The following SH3BP4 variants were observed in gnomAD, a reference collection of about 807,000 sequenced individuals.
SH3BP4 encodes the protein SH3 domain-binding protein 4.
SH3BP4 carries 33 observed loss-of-function variants against 65.5 expected under a neutral mutation model. The ratio of observed to expected loss-of-function variants is 0.50; its 90% confidence interval spans 0.38 to 0.67. SH3BP4 has a LOEUF of 0.67. Among genes scored for constraint, SH3BP4 ranks in the 30% least tolerant of loss-of-function variants. SH3BP4 has a pLI of 0.00. For synonymous variants in SH3BP4, 552 were observed against 545.5 expected (o/e 1.01, Z -0.17); for missense variants, 1,134 against 1,261.4 (o/e 0.90, Z 1.53).
intron 3 of SH3BP4, among the ~76,000 whole-genome samples, chr2:235,038,342 TATATATTTTATATATATATATATA>T: frequency 1.4e-3 from 3 of 2,148 alleles, no homozygotes; most frequent in African/African-American, 4.7e-3. Context: ...ATATATAGTA[TATATATTTTATATATATATATATA>T]ATATATATAC....
At chr2:235,036,740 A>AAATAATAACAATAATAAT (rs1553567056) in intron 3 of SH3BP4, among the ~76,000 whole-genome samples, 24 of 141,740 alleles carry the variant, frequency 1.7e-4, no homozygotes, top group Non-Finnish European at 3.2e-4. Context: ...TCTATATAAA[A>AAATAATAACAATAATAAT]AATAATAATA....
intron 2 of SH3BP4, among the ~76,000 whole-genome samples, chr2:235,021,133 T>C (rs1694835918): frequency 6.6e-6 from 1 of 152,104 alleles, no homozygotes; most frequent in Admixed American, 6.5e-5. Flanking sequence ...AGTTTGGCCG[T>C]CTCTGCCCTA....
Position 235,034,291 on chromosome 2 carries a change from C to T in SH3BP4, c.-132-580C>T, listed in dbSNP as rs1256193154. 6.6e-6 allele frequency among the ~76,000 whole-genome samples: 1 copy of T among 152,118 alleles called. No individual in the cohort carries two copies. The highest frequency in any genetic ancestry group is 2.4e-5 in the African/African-American group (1 of 41,418). ...TCTGCATACGTTGCATTGAGAATAC[C>T]TTATGGCCGCTCTGTGTTGTGTTTA... On this transcript the variant is annotated intron_variant, in intron 2 of 5. Transcript: ENST00000392011. The surrounding 1 kb of genome is among the most constrained non-coding windows in gnomAD (Gnocchi z 6.2).
intron 4 of SH3BP4, among the ~76,000 whole-genome samples, chr2:235,050,178 C>T (rs1180014854): frequency 1.3e-5 from 2 of 151,816 alleles, no homozygotes; most frequent in Non-Finnish European, 2.9e-5. Flanking sequence ...TGCAGTGGCG[C>T]GATCTCAGCT....
At position 235,035,493 on chromosome 2, in the gene SH3BP4, A is replaced by T. The variant is rs1367498256; in HGVS notation, c.118+373A>T. 1.3e-5 allele frequency among the ~76,000 whole-genome samples: 2 copies of T among 152,170 alleles called. No individual in the cohort carries two copies. The highest frequency in any genetic ancestry group is 2.9e-5 in the Non-Finnish European group (2 of 68,038). On this transcript the variant is annotated intron_variant, in intron 3 of 5. Transcript: ENST00000392011. The surrounding 1 kb of genome is among the most constrained non-coding windows in gnomAD (Gnocchi z 5.0). ...GGTAGCTTCGGGGAGAGGTCAGCAA[A>T]CCTTTTCTCCAAACAGTCTGATGGG...
Position 235,042,285 on chromosome 2 carries a change from G to T in SH3BP4, c.1516G>T (p.Val506Phe). 1 of 1,614,166 alleles carries T rather than the reference G, an allele frequency of 6.2e-7. No homozygotes were observed. Among genetic ancestry groups the T allele is most frequent in the Non-Finnish European group, 8.5e-7 (1 of 1,180,044 alleles). The change falls in exon 4 of 6, where the codon GTC becomes TTC. Residue 506 changes from valine to phenylalanine, a missense_variant. Transcript: ENST00000392011. This position sits in a 1 kb window ranked among gnomAD's most constrained non-coding sequence, Gnocchi z 7.3. ...GHDCAPKTLL[V>F]SEVTRQAPNP... ...TGACTGTGCCCCAAAGACGCTCCTG[G>T]TCAGCGAGGTCACACGCCAGGCACC...
intron 1 of SH3BP4, among the ~76,000 whole-genome samples, chr2:234,970,248 C>T (rs2106246840): frequency 6.6e-6 from 1 of 152,334 alleles, no homozygotes; most frequent in East Asian, 1.9e-4. Flanking sequence ...GAAGGACTGG[C>T]CGGATGGAAT....
chr2:235,042,809 C>A lies in SH3BP4; in HGVS notation c.2040C>A (p.Gly680=). 6 of 1,614,024 alleles carry A rather than the reference C, an allele frequency of 3.7e-6. No homozygotes were observed. The highest frequency in any genetic ancestry group is 3.4e-6 in the Non-Finnish European group (4 of 1,180,030). The change falls in exon 4 of 6, where the codon GGC becomes GGA. Residue 680 remains glycine, a synonymous_variant. Coordinates refer to ENST00000392011, the MANE Select transcript of SH3BP4 (RefSeq NM_014521.3). The surrounding 1 kb of genome is among the most constrained non-coding windows in gnomAD (Gnocchi z 7.3). ...KNHYLLEYKK[G]DGIALLSEER... is the part of the protein sequence containing the mutation. Reference sequence around the variant, plus strand: ...ACTACCTGCTGGAGTACAAGAAGGGCGACGGGATCGCCCTGCTCAGCGAGG... The same window carrying A: ...ACTACCTGCTGGAGTACAAGAAGGGAGACGGGATCGCCCTGCTCAGCGAGG...
Position 235,041,508 on chromosome 2 carries a change from C to G in SH3BP4, c.739C>G (p.Leu247Val). Residue 247 changes from leucine (L) to valine (V), a missense_variant, in exon 4 of 6, where the codon CTC becomes GTC. Transcript: ENST00000392011. The surrounding 1 kb of genome is among the most constrained non-coding windows in gnomAD (Gnocchi z 6.0). ...CTTCAGAAGCAAGCGCTCCTACAGTCTCTCGGAACTCTCCGTCCTCCAAGC... is the reference window on the plus strand; with the variant it reads ...CTTCAGAAGCAAGCGCTCCTACAGTGTCTCGGAACTCTCCGTCCTCCAAGC... Reference protein sequence around the residue: ...PFFRSKRSYSLSELSVLQAKS... With the variant: ...PFFRSKRSYSVSELSVLQAKS... 6.2e-7 allele frequency: 1 copy of G among 1,614,172 alleles called. No individual in the cohort carries two copies. The highest frequency in any genetic ancestry group is 8.5e-7 in the Non-Finnish European group (1 of 1,180,044).
intron 1 of SH3BP4, among the ~76,000 whole-genome samples, chr2:234,990,279 C>T (rs1574797558): frequency 6.6e-6 from 1 of 152,190 alleles, no homozygotes; most frequent in Non-Finnish European, 1.5e-5. Context: ...GAGGCTGGAG[C>T]GACCCCAGTC....
intron 2 of SH3BP4, among the ~76,000 whole-genome samples, chr2:234,999,601 G>T (rs1362228754): frequency 6.6e-6 from 1 of 152,132 alleles, no homozygotes; most frequent in Non-Finnish European, 1.5e-5. Flanking sequence ...TTCAATTATT[G>T]GCACAATAGC....
chr2:235,048,480 G>T (rs1695946755), intron 4 of SH3BP4, among the ~76,000 whole-genome samples: 1 of 151,448 alleles, frequency 6.6e-6, no homozygotes, highest in Non-Finnish European at 1.5e-5. Flanking sequence ...ACAAGCAGGT[G>T]CCACCACACC....
At position 235,046,339 on chromosome 2, in the gene SH3BP4, CAG is replaced by C. The variant is rs1223486639; in HGVS notation, c.2478+3093_2478+3094del. Among the ~76,000 whole-genome samples the C allele has an allele frequency of 2.0e-5, 3 of 152,152 alleles. No homozygotes were observed. Among genetic ancestry groups the C allele is most frequent in the Admixed American group, 2.0e-4 (3 of 15,276 alleles). On this transcript the variant is annotated intron_variant, in intron 4 of 5. Transcript: ENST00000392011. This position sits in a 1 kb window ranked among gnomAD's most constrained non-coding sequence, Gnocchi z 4.2. ...ATACCAGCACTTTGGGAGGCTGAGA[CAG>C]GAGAATCGCTTGAGCCCGGGAATTC...
At chr2:235,021,314 A>G (rs1694840555) in intron 2 of SH3BP4, among the ~76,000 whole-genome samples, 1 of 152,106 alleles carries the variant, frequency 6.6e-6, no homozygotes. Flanking sequence ...AAATTATTCT[A>G]AAGTTTATTT....
intron 1 of SH3BP4, among the ~76,000 whole-genome samples, chr2:234,962,386 C>T (rs761262926): frequency 4.6e-5 from 7 of 152,156 alleles, no homozygotes; most frequent in African/African-American, 7.2e-5. Context: ...GATCTGCCCG[C>T]CTTGGCCTCC....
At position 235,042,353 on chromosome 2, in the gene SH3BP4, G is replaced by A; in HGVS notation, c.1584G>A (p.Gln528=). Residue 528 remains glutamine, a synonymous_variant, in exon 4 of 6, where the codon CAG becomes CAA. Coordinates refer to ENST00000392011, the MANE Select transcript of SH3BP4 (RefSeq NM_014521.3). The surrounding 1 kb of genome is among the most constrained non-coding windows in gnomAD (Gnocchi z 7.3). ...CCCTGCAGCTGTGGGGGAAGCACCAGTTCGTTTTGTCCAGGCCCCAGGATC... is the reference window on the plus strand; with the variant it reads ...CCCTGCAGCTGTGGGGGAAGCACCAATTCGTTTTGTCCAGGCCCCAGGATC... ...PVALQLWGKH[Q]FVLSRPQDLK... The A allele has an allele frequency of 6.2e-7, 1 of 1,614,180 alleles. No individual in the cohort carries two copies. Among genetic ancestry groups the A allele is most frequent in the South Asian group, 1.1e-5 (1 of 91,084 alleles).
intron 2 of SH3BP4, among the ~76,000 whole-genome samples, chr2:234,999,096 G>T (rs993458977): frequency 3.3e-5 from 5 of 152,214 alleles, no homozygotes; most frequent in Non-Finnish European, 5.9e-5. Context: ...ATGCACGTTG[G>T]TGAGGCCATC....
chr2:235,032,129 G>C (rs546122477), intron 2 of SH3BP4, among the ~76,000 whole-genome samples: 1 of 152,198 alleles, frequency 6.6e-6, no homozygotes, highest in Non-Finnish European at 1.5e-5. Context: ...AGGAGTCTTC[G>C]TTTGGCCACT....
Position 235,041,308 on chromosome 2 carries a change from G to T in SH3BP4, c.539G>T (p.Ser180Ile), listed in dbSNP as rs1279354320. The T allele has an allele frequency of 6.2e-7, 1 of 1,614,046 alleles. No individual in the cohort carries two copies. The highest frequency in any genetic ancestry group is 8.5e-7 in the Non-Finnish European group (1 of 1,180,052). Residue 180 changes from serine (S) to isoleucine (I), a missense_variant, in exon 4 of 6, where the codon AGC (serine) becomes ATC (isoleucine). Transcript: ENST00000392011. This position sits in a 1 kb window ranked among gnomAD's most constrained non-coding sequence, Gnocchi z 6.0. ...FLNGNVPVMP[S>I]LDELNPKSTV... ...AATGGGAACGTGCCCGTCATGCCCAGCCTGGATGAGCTGAATCCCAAAAGT... is the reference window on the plus strand; with the variant it reads ...AATGGGAACGTGCCCGTCATGCCCATCCTGGATGAGCTGAATCCCAAAAGT...
Sources: gnomAD v4.1 joint callset for allele counts (sites outside exome capture counted in the v4.1 genomes callset) on GRCh38, gnomAD v4.1.1 for gene constraint, Gnocchi (gnomAD v3.1) non-coding constraint, MANE v1.5 for transcripts, NCBI Gene and HGNC (gene_info 2026-07-23, HGNC 2026-07-21) for gene names.